CCL28: variants seen among roughly 807,000 people sequenced by gnomAD.
CCL28 encodes the protein C-C motif chemokine ligand 28, also known as C-C motif chemokine 28.
In CCL28, 4 loss-of-function variants were observed where a neutral mutation model predicts 7.1. The ratio of observed to expected loss-of-function variants is 0.56; its 90% CI spans 0.28 to 1.29. The LOEUF (loss-of-function observed/expected upper bound fraction) is 1.29. CCL28 is among the 50% of genes most tolerant of loss of function. The probability of loss-of-function intolerance (pLI) is 0.11; values close to 1 mark genes in which losing one functional copy is unlikely to be tolerated. For missense variants in CCL28, 151 were observed against 163.4 expected (o/e 0.92, Z 0.41); for synonymous variants, 55 against 57.8 (o/e 0.95, Z 0.22).
In CCL28 at chr5:43,379,431, T is replaced by G. The variant is rs1740017699; in HGVS notation, c.*2429A>C. 6.6e-6 allele frequency: 1 copy of G among 152,224 alleles called. No individual in the cohort carries two copies. Among genetic ancestry groups the G allele is most frequent in the African/African-American group, 2.4e-5 (1 of 41,448 alleles). 9.4% of individuals were successfully genotyped at this position (152,224 alleles called of 1,614,324 possible). On this transcript the variant is annotated 3_prime_UTR_variant, in exon 3 of 3. Transcript: ENST00000361115. Reference sequence around the variant, plus strand: ...TAAAAAGCTTGTCTCTGCCACTTCCTGTGTGACCTGGGCAAGTCATTTTAC... The same window carrying G: ...TAAAAAGCTTGTCTCTGCCACTTCCGGTGTGACCTGGGCAAGTCATTTTAC...
intron 1 of CCL28, among the ~76,000 whole-genome samples, chr5:43,401,420 G>A (rs1741033204): frequency 6.6e-6 from 1 of 152,192 alleles, no homozygotes; most frequent in Admixed American, 6.5e-5. Flanking sequence ...TTGGATAATT[G>A]TGTGCCATAA....
intron 1 of CCL28, among the ~76,000 whole-genome samples, chr5:43,406,234 T>C (rs1304249581): frequency 6.6e-6 from 1 of 152,138 alleles, no homozygotes; most frequent in Non-Finnish European, 1.5e-5. Flanking sequence ...TGAACATCGA[T>C]GCAAAAATCC....
chr5:43,402,632 C>G (rs1207805897), intron 1 of CCL28, among the ~76,000 whole-genome samples: 1 of 152,202 alleles, frequency 6.6e-6, no homozygotes, highest in East Asian at 1.9e-4. Flanking sequence ...GCATTTCCAA[C>G]TGAGGTACTG....
intron 1 of CCL28, among the ~76,000 whole-genome samples, chr5:43,389,402 G>T (rs1479834680): frequency 3.4e-5 from 5 of 148,242 alleles, no homozygotes; most frequent in Non-Finnish European, 7.4e-5. Flanking sequence ...CCTGAACAAG[G>T]TATTGGATTT....
In CCL28 at chr5:43,381,921, C is replaced by A. The variant is rs1366493732; in HGVS notation, c.323G>T (p.Arg108Met). 1.9e-6 allele frequency: 3 copies of A among 1,614,006 alleles called. No homozygotes were observed. The highest frequency in any genetic ancestry group is 2.5e-6 in the Non-Finnish European group (3 of 1,180,020). Residue 108 changes from arginine to methionine, a missense_variant, in exon 3 of 3, where the codon AGG becomes ATG. Arg to Met is a moderately conservative substitution (Grantham distance 91). Transcript: ENST00000361115. ...CCCCTGATGTGCCCTGTTACTGTTC[C>A]TCTTGCCATGGTGTTTCTTCCTGTG... is the stretch of plus-strand genomic sequence containing the variant. Reference protein sequence around the residue: ...VCHRKKHHGKRNSNRAHQGKH... With the variant: ...VCHRKKHHGKMNSNRAHQGKH...
chr5:43,379,381 T>A lies in CCL28; in HGVS notation c.*2479A>T, dbSNP rs951851172. ...TTAATATTTTAAGTTACTCTCATAT[T>A]ATATTTTATTAATTTTTTCTTATTT... On this transcript the variant is annotated 3_prime_UTR_variant, in exon 3 of 3. Coordinates refer to ENST00000361115, the MANE Select transcript of CCL28 (RefSeq NM_148672.3). The A allele has an allele frequency of 1.3e-5, 2 of 152,224 alleles. No individual in the cohort carries two copies. The highest frequency in any genetic ancestry group is 2.9e-5 in the Non-Finnish European group (2 of 68,044). The allele number at this position is 152,224 out of a possible 1,614,324, so 9.4% of individuals were successfully genotyped here.
chr5:43,387,672 C>T (rs1395045035), intron 2 of CCL28, among the ~76,000 whole-genome samples: 1 of 152,238 alleles, frequency 6.6e-6, no homozygotes, highest in South Asian at 2.1e-4. Flanking sequence ...CTCTGTCACC[C>T]AGGTTGGAGT....
intron 2 of CCL28, among the ~76,000 whole-genome samples, chr5:43,382,881 T>A (rs1740179356): frequency 1.3e-5 from 2 of 152,082 alleles, no homozygotes; most frequent in Non-Finnish European, 2.9e-5. Flanking sequence ...TGCAATGGCA[T>A]GATCTCGGCT....
At chr5:43,390,987 G>A (rs1436239346) in intron 1 of CCL28, among the ~76,000 whole-genome samples, 1 of 152,144 alleles carries the variant, frequency 6.6e-6, no homozygotes, top group Non-Finnish European at 1.5e-5. Context: ...AGTTTGCTCT[G>A]GCATTTTTGA....
chr5:43,364,565 T>G, the CCL28 span, among the ~76,000 whole-genome samples: 2 of 152,154 alleles, frequency 1.3e-5, no homozygotes, highest in African/African-American at 4.8e-5. Context: ...GGTATATTAA[T>G]CTCAAAATAA....
chr5:43,403,080 G>A (rs1188660815), intron 1 of CCL28, among the ~76,000 whole-genome samples: 1 of 152,212 alleles, frequency 6.6e-6, no homozygotes, highest in East Asian at 1.9e-4. Context: ...CTCCACCTCT[G>A]GGAACAGGGC....
intron 1 of CCL28, among the ~76,000 whole-genome samples, chr5:43,390,791 C>T (rs1740538904): frequency 6.6e-6 from 1 of 152,290 alleles, no homozygotes; most frequent in South Asian, 2.1e-4. Flanking sequence ...TGAGAATTGT[C>T]AAGAATATTT....
the CCL28 span, among the ~76,000 whole-genome samples, chr5:43,357,459 G>A: frequency 6.9e-4 from 105 of 152,308 alleles, no homozygotes; most frequent in Admixed American, 3.7e-3. Flanking sequence ...AGTGAAGCCA[G>A]TCAGAAAAGA....
chr5:43,388,587 C>A (rs1561158466), intron 1 of CCL28, 111 bp from the exon 2 acceptor site: 2 of 1,045,664 alleles, frequency 1.9e-6, no homozygotes, highest in Non-Finnish European at 2.7e-6. Context: ...AAACAAGGGG[C>A]AAACATGGCT....
downstream of CCL28, among the ~76,000 whole-genome samples, chr5:43,372,519 C>T (rs1268532479): frequency 7.9e-5 from 12 of 151,910 alleles, no homozygotes; most frequent in Admixed American, 2.0e-4. Flanking sequence ...CAGGTGTGTG[C>T]CACCATGCCC....
chr5:43,377,078 G>A (rs1157846624), downstream of CCL28: 1 of 152,072 alleles, frequency 6.6e-6, no homozygotes, highest in Non-Finnish European at 1.5e-5. Flanking sequence ...GTGCAAGCTT[G>A]GATTATTTAT....
Position 43,388,429 on chromosome 5 carries a change from T to C in CCL28, c.112A>G (p.Ile38Val). ...SSCCTEVSHHISRRLLERVNM... is the reference protein window; with the variant it reads ...SSCCTEVSHHVSRRLLERVNM... ...ACTCTTTCCAGGAGCCTTCTGGAAA[T>C]ATGATGTGAAACCTCCGTGCAACAG... The change falls in exon 2 of 3, where the codon ATT becomes GTT. Residue 38 changes from isoleucine (I) to valine (V), a missense_variant. Transcript: ENST00000361115. The C allele has an allele frequency of 6.2e-7, 1 of 1,613,906 alleles. No homozygotes were observed. Among genetic ancestry groups the C allele is most frequent in the South Asian group, 1.1e-5 (1 of 91,060 alleles).
chr5:43,389,668 T>C (rs1358771106), intron 1 of CCL28, among the ~76,000 whole-genome samples: 1 of 152,248 alleles, frequency 6.6e-6, no homozygotes, highest in African/African-American at 2.4e-5. Flanking sequence ...GGGGCCTATA[T>C]ATACTTAGTA....
chr5:43,394,271 A>C (rs1168092749), intron 1 of CCL28, among the ~76,000 whole-genome samples: 2 of 152,160 alleles, frequency 1.3e-5, no homozygotes, highest in Non-Finnish European at 2.9e-5. Flanking sequence ...AAGTCTTCCC[A>C]CTCAATTTAT....
Sources: gnomAD v4.1 joint callset for allele counts (sites outside exome capture counted in the v4.1 genomes callset) on GRCh38, gnomAD v4.1.1 for gene constraint, MANE v1.5 for transcripts, NCBI Gene and HGNC (gene_info 2026-07-23, HGNC 2026-07-21) for gene names.